The following DLC1 variants were observed in gnomAD, a reference collection of about 807,000 sequenced individuals.
DLC1 encodes the protein rho GTPase-activating protein 7.
DLC1 carries 54 observed loss-of-function variants against 140.3 expected under a neutral mutation model. The ratio of observed to expected loss-of-function variants is 0.38; its 90% confidence interval spans 0.31 to 0.48. DLC1 has a LOEUF of 0.48. Ranked by LOEUF, DLC1 falls within the 20% of genes least tolerant of loss-of-function variation. DLC1 has a pLI of 0.96. For missense variants in DLC1, 2,536 were observed against 1,907.0 expected (o/e 1.33, Z -6.14); for synonymous variants, 986 against 728.1 (o/e 1.35, Z -5.70).
At chr8:13,372,658 A>G (rs925109914) in intron 4 of DLC1, among the ~76,000 whole-genome samples, 1 of 152,146 alleles carries the variant, frequency 6.6e-6, no homozygotes, top group Non-Finnish European at 1.5e-5. Flanking sequence ...CTATTTCCTC[A>G]TCTTTGTGAG....
At chr8:13,555,144 C>T (rs536898188) in intron 1 of DLC1, among the ~76,000 whole-genome samples, 3 of 152,328 alleles carry the variant, frequency 2.0e-5, no homozygotes, top group African/African-American at 7.2e-5. Flanking sequence ...GTAAACTCTT[C>T]AGACACACTT....
chr8:13,490,530 G>A (rs947204641), intron 2 of DLC1, among the ~76,000 whole-genome samples: 8 of 152,154 alleles, frequency 5.3e-5, no homozygotes, highest in African/African-American at 1.9e-4. Context: ...ATAAGAGGCA[G>A]GACTCTGTTA....
intron 5 of DLC1, among the ~76,000 whole-genome samples, chr8:13,178,814 C>T (rs10087824): frequency 0.69 from 104,541 of 151,886 alleles, 36,789 homozygotes; most frequent in East Asian, 0.86. Flanking sequence ...GTGGAGCAAA[C>T]GAAACTCTTA....
intron 1 of DLC1, among the ~76,000 whole-genome samples, chr8:13,555,918 G>A (rs185340568): frequency 3.3e-5 from 5 of 152,140 alleles, no homozygotes; most frequent in African/African-American, 7.2e-5. Flanking sequence ...CTTTCTAAAT[G>A]TTTAAAGGTT....
intron 2 of DLC1, among the ~76,000 whole-genome samples, chr8:13,421,482 T>G (rs1394716775): frequency 6.6e-6 from 1 of 152,126 alleles, no homozygotes; most frequent in African/African-American, 2.4e-5. Flanking sequence ...TGGGTGAGAT[T>G]AAAAAAAGTC....
chr8:13,299,640 CA>C (rs1036037534), intron 5 of DLC1, among the ~76,000 whole-genome samples: 1 of 151,872 alleles, frequency 6.6e-6, no homozygotes, highest in Non-Finnish European at 1.5e-5. Context: ...AACCAACAAA[CA>C]AAATGAAGAA....
intron 5 of DLC1, among the ~76,000 whole-genome samples, chr8:13,150,176 T>C (rs1563110724): frequency 2.6e-5 from 4 of 152,210 alleles, no homozygotes; most frequent in Admixed American, 2.0e-4. Context: ...AAGACAGCAC[T>C]ATGGGTTGCG....
intron 1 of DLC1, among the ~76,000 whole-genome samples, chr8:13,545,034 T>C (rs1362555280): frequency 6.6e-6 from 1 of 152,144 alleles, no homozygotes; most frequent in Non-Finnish European, 1.5e-5. Flanking sequence ...GGTTTTTGTT[T>C]ATATTTTCGT....
At chr8:13,518,520 T>C (rs1275069454), upstream of DLC1, among the ~76,000 whole-genome samples, 1 of 152,222 alleles carries the variant, frequency 6.6e-6, no homozygotes, top group Non-Finnish European at 1.5e-5. Context: ...TGGACTTCTG[T>C]ACAGAATTAT....
At chr8:13,564,630 C>T (rs1488395702) in intron 1 of DLC1, among the ~76,000 whole-genome samples, 4 of 152,162 alleles carry the variant, frequency 2.6e-5, no homozygotes, top group Non-Finnish European at 5.9e-5. Flanking sequence ...GTGACAGATG[C>T]TGAAAGTTTG....
intron 5 of DLC1, among the ~76,000 whole-genome samples, chr8:13,163,378 C>T (rs1041445119): frequency 2.0e-5 from 3 of 152,072 alleles, no homozygotes; most frequent in Non-Finnish European, 2.9e-5. Flanking sequence ...CTGGAAAGCA[C>T]CTAGGATCAT....
In DLC1 at chr8:13,277,984, T is replaced by C. The variant is rs142678032; in HGVS notation, c.1348+27285A>G. ...AACTTAATTATACAAAGGATGATTA[T>C]GAAAATAGTGAGATTGTGCTCATGA... On this transcript the variant is annotated intron_variant, in intron 5 of 17. Coordinates refer to ENST00000276297, the MANE Select transcript of DLC1 (RefSeq NM_182643.3). Among the ~76,000 whole-genome samples the C allele has an allele frequency of 3.9e-5, 6 of 152,358 alleles. No individual in the cohort carries two copies. In the East Asian group the frequency reaches 9.6e-4, roughly 24 times the overall value.
intron 2 of DLC1, among the ~76,000 whole-genome samples, chr8:13,487,196 G>T (rs1271637049): frequency 6.6e-6 from 1 of 152,154 alleles, no homozygotes; most frequent in Non-Finnish European, 1.5e-5. Flanking sequence ...GTATACTTTT[G>T]CAAGAAGCAA....
chr8:13,264,724 T>C (rs1301408768), intron 5 of DLC1, among the ~76,000 whole-genome samples: 1 of 152,226 alleles, frequency 6.6e-6, no homozygotes, highest in East Asian at 1.9e-4. Context: ...AGTAAAATAA[T>C]CTTGGTATTA....
chr8:13,153,495 C>T (rs188393757), intron 5 of DLC1, among the ~76,000 whole-genome samples: 4 of 152,310 alleles, frequency 2.6e-5, no homozygotes, highest in Non-Finnish European at 4.4e-5. Context: ...GTGTGGAAAA[C>T]GACCCAAACA....
intron 5 of DLC1, among the ~76,000 whole-genome samples, chr8:13,170,846 G>C (rs1825427780): frequency 6.6e-6 from 1 of 152,112 alleles, no homozygotes; most frequent in Non-Finnish European, 1.5e-5. Context: ...TGTCTGGTGA[G>C]AAGAATGGAA....
At chr8:13,519,318 C>T (rs1383838651), upstream of DLC1, among the ~76,000 whole-genome samples, 7 of 152,124 alleles carry the variant, frequency 4.6e-5, no homozygotes, top group Non-Finnish European at 7.4e-5. Context: ...TTAGTAGAGA[C>T]GGGGTTTCAC....
intron 5 of DLC1, among the ~76,000 whole-genome samples, chr8:13,192,121 A>ATT (rs1007789114): frequency 6.7e-6 from 1 of 148,856 alleles, no homozygotes; most frequent in Non-Finnish European, 1.5e-5. Flanking sequence ...TAATTTTTGT[A>ATT]TTTTTTTTTA....
chr8:13,197,254 A>T lies in DLC1; in HGVS notation c.1349-81597T>A, dbSNP rs187318535. On this transcript the variant is annotated intron_variant, in intron 5 of 17. Transcript: ENST00000276297. ...TGCTCTTGGCTAGAATTATATCAAC[A>T]TAATTTGTTAATAGTAGCTCTCCTA... Among the ~76,000 whole-genome samples, 3 of 152,348 alleles carry T rather than the reference A, an allele frequency of 2.0e-5. No homozygotes were observed. In the East Asian group the frequency reaches 5.8e-4, roughly 29 times the overall value.
Sources: gnomAD v4.1 joint callset for allele counts (sites outside exome capture counted in the v4.1 genomes callset) on GRCh38, gnomAD v4.1.1 for gene constraint, MANE v1.5 for transcripts, NCBI Gene and HGNC (gene_info 2026-07-23, HGNC 2026-07-21) for gene names.